Variants in SUFU observed in about 807,000 individuals in gnomAD.
The protein encoded by SUFU is SUFU negative regulator of hedgehog signaling, also known as suppressor of fused homolog.
A neutral mutation model predicts 58.9 loss-of-function variants in SUFU; 7 were observed. That is an observed-to-expected ratio of 0.12 (90% CI 0.07 to 0.22). The LOEUF is 0.22. Ranked by LOEUF, SUFU falls within the 10% of genes least tolerant of loss-of-function variation. The pLI is 1.00. For missense variants in SUFU, 451 were observed against 641.3 expected (o/e 0.70, Z 3.20); for synonymous variants, 232 against 254.8 (o/e 0.91, Z 0.85).
chr10:102,624,397 C>A (rs2063768339), intron 10 of SUFU, among the ~76,000 whole-genome samples: 1 of 152,198 alleles, frequency 6.6e-6, no homozygotes, highest in Non-Finnish European at 1.5e-5. Flanking sequence ...TTCAATCCAA[C>A]CTTCTAAGGT....
intron 2 of SUFU, among the ~76,000 whole-genome samples, chr10:102,512,844 G>A (rs759934657): frequency 1.1e-4 from 17 of 152,066 alleles, no homozygotes; most frequent in Admixed American, 9.2e-4. Flanking sequence ...CAGGAGGATC[G>A]CTTGAGCCCA....
At chr10:102,627,893 C>T (rs1016257200) in intron 11 of SUFU, among the ~76,000 whole-genome samples, 2 of 152,288 alleles carry the variant, frequency 1.3e-5, no homozygotes, top group South Asian at 2.1e-4. Context: ...TCCTTATTTG[C>T]GAGGGCTTAC....
At chr10:102,616,251 A>G (rs924562661) in intron 9 of SUFU, among the ~76,000 whole-genome samples, 1 of 152,176 alleles carries the variant, frequency 6.6e-6, no homozygotes, top group Non-Finnish European at 1.5e-5. Flanking sequence ...GCACGGCTGC[A>G]TCTGCTACAG....
intron 2 of SUFU, among the ~76,000 whole-genome samples, chr10:102,517,317 C>T (rs1404764460): frequency 6.6e-6 from 1 of 152,000 alleles, no homozygotes; most frequent in Non-Finnish European, 1.5e-5. Context: ...AACAAACAAA[C>T]AAAAAGAACA....
At chr10:102,573,117 T>G (rs2063179577) in intron 3 of SUFU, 3 of 779,804 alleles carry the variant, frequency 3.8e-6, no homozygotes, top group Non-Finnish European at 6.9e-6. Flanking sequence ...ATCTTCTTTT[T>G]TTTGTGGCTG....
chr10:102,586,864 G>A (rs1003503280), intron 3 of SUFU, among the ~76,000 whole-genome samples: 29 of 152,100 alleles, frequency 1.9e-4, no homozygotes, highest in African/African-American at 6.7e-4. Context: ...CTCCCCACTC[G>A]CTTCTCCCCC....
At chr10:102,614,830 C>T (rs113530045) in intron 8 of SUFU, among the ~76,000 whole-genome samples, 2 of 151,494 alleles carry the variant, frequency 1.3e-5, no homozygotes, top group African/African-American at 2.4e-5. Flanking sequence ...GAGCTGAAAT[C>T]GCACCACTGT....
chr10:102,542,448 T>A (rs868716370), intron 2 of SUFU, among the ~76,000 whole-genome samples: 332 of 149,012 alleles, frequency 2.2e-3, no homozygotes, highest in Admixed American at 4.8e-3. Context: ...ATATATATTT[T>A]TTTTTAAGTA....
At chr10:102,599,329 G>C in intron 7 of SUFU, 104 bp from the exon 8 acceptor site, 1 of 860,584 alleles carries the variant, frequency 1.2e-6, no homozygotes, top group Non-Finnish European at 2.0e-6. Flanking sequence ...ACTGGCCAGC[G>C]TGGTAGTTTT....
At chr10:102,615,799 C>T (rs995140422) in intron 9 of SUFU, among the ~76,000 whole-genome samples, 1 of 152,208 alleles carries the variant, frequency 6.6e-6, no homozygotes, top group Non-Finnish European at 1.5e-5. Flanking sequence ...CCTGTCTAGC[C>T]CAGAGCAGCA....
rs536068954 is a variant in SUFU, at chr10:102,631,875, C to T, written c.*1720C>T. 33 of 233,344 alleles carry T rather than the reference C, an allele frequency of 1.4e-4. No homozygotes were observed. The highest frequency in any genetic ancestry group is 5.9e-4 in the African/African-American group (27 of 45,454). The allele number at this position is 233,344 out of a possible 1,614,324, so 14.5% of individuals were successfully genotyped here. ...TTGGGAGAGACTGGCTGCAGATCCC[C>T]GCCAGCCAAGATGCAAGCCACTCGG... On this transcript the variant is annotated 3_prime_UTR_variant, in exon 12 of 12. Coordinates refer to ENST00000369902, the MANE Select transcript of SUFU (RefSeq NM_016169.4).
At chr10:102,564,484 C>T (rs1038539975) in intron 3 of SUFU, among the ~76,000 whole-genome samples, 1 of 152,106 alleles carries the variant, frequency 6.6e-6, no homozygotes, top group African/African-American at 2.4e-5. Flanking sequence ...AGGCGTGCAC[C>T]ACCACACCCG....
At position 102,504,001 on chromosome 10, in the gene SUFU, A is replaced by G. The variant is rs1054785898; in HGVS notation, c.-152A>G. Reference sequence around the variant, plus strand: ...TCGGCGGCGGCGACAGCCTGGGCGGACAGTGCGCCGTGCGCAGGCGCGGAG... The same window carrying G: ...TCGGCGGCGGCGACAGCCTGGGCGGGCAGTGCGCCGTGCGCAGGCGCGGAG... On this transcript the variant is annotated 5_prime_UTR_variant, in exon 1 of 12. Transcript: ENST00000369902. 3.6e-6 allele frequency: 4 copies of G among 1,123,294 alleles called. No individual in the cohort carries two copies. Among genetic ancestry groups the G allele is most frequent in the Non-Finnish European group, 2.4e-6 (2 of 844,446 alleles). 69.6% of individuals were successfully genotyped at this position (1,123,294 alleles called of 1,614,324 possible). A position where few individuals can be genotyped will look rare whatever the true frequency, so the allele number is the denominator to read the frequency against.
intron 2 of SUFU, among the ~76,000 whole-genome samples, chr10:102,516,109 T>C (rs1316732922): frequency 1.3e-4 from 17 of 126,810 alleles, no homozygotes; most frequent in Non-Finnish European, 2.5e-4. Flanking sequence ...TTCTTTTCTT[T>C]TTCTTTCTTT....
At chr10:102,620,999 G>A (rs1453343105) in intron 10 of SUFU, among the ~76,000 whole-genome samples, 7 of 152,208 alleles carry the variant, frequency 4.6e-5, no homozygotes, top group African/African-American at 1.4e-4. Flanking sequence ...GCCATTCTCT[G>A]CCAGTCCTGA....
At chr10:102,596,056 C>T (rs891814651) in intron 6 of SUFU, among the ~76,000 whole-genome samples, 1 of 152,178 alleles carries the variant, frequency 6.6e-6, no homozygotes, top group Non-Finnish European at 1.5e-5. Flanking sequence ...CCTGCTTAGC[C>T]TCTTCCTGCT....
chr10:102,548,719 A>C (rs2062879204), intron 2 of SUFU, among the ~76,000 whole-genome samples: 2 of 152,174 alleles, frequency 1.3e-5, no homozygotes, highest in African/African-American at 4.8e-5. Flanking sequence ...GCACCCCACC[A>C]GCCAGGCCCA....
At chr10:102,613,540 C>T (rs1157276629) in intron 8 of SUFU, among the ~76,000 whole-genome samples, 1 of 152,244 alleles carries the variant, frequency 6.6e-6, no homozygotes, top group Non-Finnish European at 1.5e-5. Flanking sequence ...CACCTAGCCC[C>T]GCAACGTGTG....
At chr10:102,555,302 T>A (rs1590024294) in intron 3 of SUFU, among the ~76,000 whole-genome samples, 1 of 140,954 alleles carries the variant, frequency 7.1e-6, no homozygotes, top group Admixed American at 7.1e-5. Context: ...TTTATATGGA[T>A]CAAGATGGAC....
Sources: gnomAD v4.1 joint callset for allele counts (sites outside exome capture counted in the v4.1 genomes callset) on GRCh38, gnomAD v4.1.1 for gene constraint, MANE v1.5 for transcripts, NCBI Gene and HGNC (gene_info 2026-07-23, HGNC 2026-07-21) for gene names.